Variants in PACSIN2 observed in about 807,000 individuals in gnomAD.
PACSIN2 encodes protein kinase C and casein kinase substrate in neurons 2.
A neutral mutation model predicts 63.8 loss-of-function variants in PACSIN2; 25 were observed. The ratio of observed to expected loss-of-function variants is 0.39; its 90% CI spans 0.29 to 0.55. The LOEUF (loss-of-function observed/expected upper bound fraction) is 0.55, where lower values mean the gene tolerates loss of function less well. Ranked by LOEUF, PACSIN2 falls within the 20% of genes least tolerant of loss-of-function variation. PACSIN2 has a pLI of 0.62. For synonymous variants in PACSIN2, 255 were observed against 256.2 expected, an observed-to-expected ratio of 1.00 and a Z score of 0.05; for missense variants, 518 against 646.9, an observed-to-expected ratio of 0.80 and a Z score of 2.16.
intron 1 of PACSIN2, among the ~76,000 whole-genome samples, chr22:42,989,456 C>T (rs142003196): frequency 0.015 from 2,174 of 147,410 alleles, 25 homozygotes; most frequent in Middle Eastern, 0.028. Context: ...CGAGATCACA[C>T]GATTGCACTC....
intron 1 of PACSIN2, among the ~76,000 whole-genome samples, chr22:42,925,825 C>T (rs1476242662): frequency 1.3e-5 from 2 of 152,204 alleles, no homozygotes; most frequent in African/African-American, 4.8e-5. Context: ...CCACCGGCCT[C>T]ACGGGAGGCC....
chr22:42,919,900 T>G (rs1304250141), intron 1 of PACSIN2, among the ~76,000 whole-genome samples: 1 of 150,546 alleles, frequency 6.6e-6, no homozygotes, highest in East Asian at 1.9e-4. Flanking sequence ...GTGGATCACT[T>G]GAGGCCACCC....
intron 1 of PACSIN2, among the ~76,000 whole-genome samples, chr22:43,001,814 A>G (rs1923785533): frequency 6.6e-6 from 1 of 152,242 alleles, no homozygotes; most frequent in Non-Finnish European, 1.5e-5. Flanking sequence ...GAGGCATCGC[A>G]GGAATTCTAG....
chr22:42,891,321 G>T, intron 3 of PACSIN2, 139 bp from the exon 4 acceptor site: 1 of 613,826 alleles, frequency 1.6e-6, no homozygotes, highest in Non-Finnish European at 2.9e-6. Flanking sequence ...TTCTCTCAGG[G>T]ACTCTGTGCC....
intron 2 of PACSIN2, chr22:42,909,563 C>A (rs536568211): frequency 2.1e-6 from 1 of 471,164 alleles, no homozygotes; most frequent in Admixed American, 2.3e-5. Context: ...GAGTTGATAC[C>A]AGCTGGAGAG....
At chr22:42,878,067 T>TCC (rs1299694682) in intron 8 of PACSIN2, among the ~76,000 whole-genome samples, 1 of 152,092 alleles carries the variant, frequency 6.6e-6, no homozygotes, top group African/African-American at 2.4e-5. Context: ...TCACCGGCCC[T>TCC]CCTCCCTCCT....
chr22:42,927,524 C>T (rs754988496), intron 1 of PACSIN2, among the ~76,000 whole-genome samples: 3 of 152,148 alleles, frequency 2.0e-5, no homozygotes, highest in Non-Finnish European at 4.4e-5. Flanking sequence ...GCTGGGATTA[C>T]AGGCGTGAGC....
chr22:42,936,477 G>A (rs565801849), intron 1 of PACSIN2, among the ~76,000 whole-genome samples: 2 of 152,316 alleles, frequency 1.3e-5, no homozygotes, highest in East Asian at 3.9e-4. Flanking sequence ...TAAGTCCTAT[G>A]AAGACTCAAA....
Position 42,876,172 on chromosome 22 carries a change from T to G in PACSIN2, c.1313A>C (p.Glu438Ala), listed in dbSNP as rs749982048. The G allele has an allele frequency of 6.2e-7, 1 of 1,614,110 alleles. No individual in the cohort carries two copies. The highest frequency in any genetic ancestry group is 2.2e-5 in the East Asian group (1 of 44,880). The change falls in exon 10 of 11, where the codon GAG (glutamate) becomes GCG (alanine). Residue 438 changes from glutamate to alanine, a missense_variant. Physicochemically the swap from Glu to Ala is moderately radical, Grantham distance 107. Coordinates refer to ENST00000263246, the MANE Select transcript of PACSIN2 (RefSeq NM_001184970.3). ...GCTCAGCTCATCATGCTCCTGCCCC[T>G]CATAGTCATACAGGGCCCGGACTCG... is the stretch of plus-strand genomic sequence containing the variant. ...EVRVRALYDY[E>A]GQEHDELSFK...
intron 1 of PACSIN2, among the ~76,000 whole-genome samples, chr22:42,967,837 G>A (rs1158694494): frequency 2.0e-5 from 3 of 152,154 alleles, no homozygotes; most frequent in African/African-American, 4.8e-5. Flanking sequence ...GCAGTGAGCC[G>A]AGATCACGCC....
At chr22:42,960,848 T>C (rs1326867503) in intron 1 of PACSIN2, among the ~76,000 whole-genome samples, 3 of 152,182 alleles carry the variant, frequency 2.0e-5, no homozygotes, top group African/African-American at 7.2e-5. Flanking sequence ...ATGCATATTA[T>C]TCAATAACAC....
At chr22:42,902,020 G>A (rs9611958) in intron 2 of PACSIN2, among the ~76,000 whole-genome samples, 12,655 of 152,232 alleles carry the variant, frequency 0.083, 694 homozygotes, top group Non-Finnish European at 0.13. Context: ...ATTTCTGAGC[G>A]TCTGGCAACA....
At chr22:42,918,122 T>C (rs929708108) in intron 1 of PACSIN2, among the ~76,000 whole-genome samples, 4 of 152,214 alleles carry the variant, frequency 2.6e-5, no homozygotes, top group Non-Finnish European at 5.9e-5. Context: ...ACAGTTGCTA[T>C]GGTGGGCATG....
chr22:42,996,227 A>T (rs541022722), intron 1 of PACSIN2, among the ~76,000 whole-genome samples: 11 of 150,882 alleles, frequency 7.3e-5, no homozygotes, highest in East Asian at 1.9e-4. Context: ...CTCAAAAAAA[A>T]AATAATAAAA....
At chr22:42,993,231 A>G (rs771697702) in intron 1 of PACSIN2, among the ~76,000 whole-genome samples, 39 of 152,190 alleles carry the variant, frequency 2.6e-4, no homozygotes, top group Admixed American at 1.4e-3. Context: ...TTCCATTTAC[A>G]TAAAATTTTA....
At position 42,966,134 on chromosome 22, in the gene PACSIN2, G is replaced by A. The variant is rs557527403; in HGVS notation, c.-78+48887C>T. 1.4e-4 allele frequency among the ~76,000 whole-genome samples: 22 copies of A among 152,314 alleles called. No homozygotes were observed. The East Asian group carries it at 3.5e-3, about 24-fold the overall frequency. ...CGCCTGTAATCCCAGCACTTTGGGA[G>A]GCTGAGGCAGGCGGATCACGAGGTC... On this transcript the variant is annotated intron_variant, in intron 1 of 10. Transcript: ENST00000263246.
intron 1 of PACSIN2, among the ~76,000 whole-genome samples, chr22:42,962,771 T>TGGGCG (rs201354199): frequency 0.32 from 926 of 2,872 alleles, 146 homozygotes; most frequent in East Asian, 0.62. Flanking sequence ...GAGCAAGGTG[T>TGGGCG]GGGCGGGGGG....
chr22:42,950,203 A>AT (rs1307321495), intron 1 of PACSIN2, among the ~76,000 whole-genome samples: 1 of 152,126 alleles, frequency 6.6e-6, no homozygotes, highest in Non-Finnish European at 1.5e-5. Flanking sequence ...ATTAGGTATT[A>AT]TAAGTAATCT....
At chr22:42,922,459 A>C (rs541659990) in intron 1 of PACSIN2, among the ~76,000 whole-genome samples, 2 of 152,330 alleles carry the variant, frequency 1.3e-5, no homozygotes, top group South Asian at 4.1e-4. Context: ...GCCTCGGGAG[A>C]AAGCCCCCGA....
Sources: allele counts gnomAD v4.1 joint callset (sites outside exome capture counted in the v4.1 genomes callset), GRCh38; gene constraint gnomAD v4.1.1; transcripts MANE v1.5; gene names NCBI Gene and HGNC (gene_info 2026-07-23, HGNC 2026-07-21).